The following CUBN variants were observed in gnomAD, a reference collection of about 807,000 sequenced individuals.
CUBN encodes 460 kDa receptor.
In CUBN, 282 loss-of-function variants were observed where a neutral mutation model predicts 405.3. The ratio of observed to expected loss-of-function variants is 0.70; its 90% CI spans 0.63 to 0.77. The LOEUF (loss-of-function observed/expected upper bound fraction) is 0.77, where lower values mean the gene tolerates loss of function less well. Among genes scored for constraint, CUBN ranks in the 30% least tolerant of loss-of-function variants. The pLI is 0.00. For synonymous variants in CUBN, 1,684 were observed against 1,617.0 expected, an observed-to-expected ratio of 1.04 and a Z score of -0.99; for missense variants, 4,514 against 4,475.2, an observed-to-expected ratio of 1.01 and a Z score of -0.25.
chr10:17,044,707 T>C (rs1478257082), intron 25 of CUBN, among the ~76,000 whole-genome samples: 1 of 152,196 alleles, frequency 6.6e-6, no homozygotes, highest in African/African-American at 2.4e-5. Context: ...GATTTTTCAA[T>C]GCATATGTGG....
intron 22 of CUBN, among the ~76,000 whole-genome samples, chr10:17,056,627 A>G (rs1475474093): frequency 6.6e-6 from 1 of 152,040 alleles, no homozygotes. Flanking sequence ...AACAACTTCT[A>G]GAAGGATGCA....
chr10:17,022,547 C>T (rs1261653661), intron 27 of CUBN, among the ~76,000 whole-genome samples: 1 of 152,046 alleles, frequency 6.6e-6, no homozygotes, highest in East Asian at 1.9e-4. Flanking sequence ...AAGAGGGAAA[C>T]GAAACGGAAC....
In CUBN at chr10:16,950,025, C is replaced by T. The variant is rs775638328; in HGVS notation, c.5056G>A (p.Gly1686Ser). 232 of 1,613,694 alleles carry T rather than the reference C, an allele frequency of 1.4e-4. No homozygotes were observed. Among genetic ancestry groups the T allele is most frequent in the Non-Finnish European group, 1.9e-4 (221 of 1,179,888 alleles). Residue 1686 changes from glycine to serine, a missense_variant, in exon 34 of 67, where the codon GGC becomes AGC. This residue lies in a region of CUBN where 1,613 missense variants were observed against 1,542.8 expected (regional missense o/e 1.05). Coordinates refer to ENST00000377833, the MANE Select transcript of CUBN (RefSeq NM_001081.4). ...ARDFVEILDG[G>S]HEDAPLRGRY... Reference sequence around the variant, plus strand: ...CCTCGGAGGGGCGCGTCTTCGTGGCCGCCATCCAAAATTTCTACAAAGTCA... The same window carrying T: ...CCTCGGAGGGGCGCGTCTTCGTGGCTGCCATCCAAAATTTCTACAAAGTCA...
In CUBN at chr10:16,928,153, T is replaced by A. The variant is rs1285762424; in HGVS notation, c.6271+4A>T. ...TGGGATTAAAAAATATTTGAACTCA[T>A]TACTCTTGTGAAAGGATGCATTGAA... is the stretch of plus-strand genomic sequence containing the variant. On this transcript the variant is annotated splice_donor_region_variant and intron_variant, in intron 41 of 66. Coordinates refer to ENST00000377833, the MANE Select transcript of CUBN (RefSeq NM_001081.4). 1 of 1,613,336 alleles carries A rather than the reference T, an allele frequency of 6.2e-7. No individual in the cohort carries two copies. Among genetic ancestry groups the A allele is most frequent in the East Asian group, 2.2e-5 (1 of 44,860 alleles).
At chr10:16,858,252 G>T (rs886431257) in intron 59 of CUBN, among the ~76,000 whole-genome samples, 5 of 152,156 alleles carry the variant, frequency 3.3e-5, no homozygotes, top group African/African-American at 1.2e-4. Flanking sequence ...TAGATTTAAT[G>T]CAATTCCTAT....
At chr10:16,867,415 GA>G (rs980122349) in intron 59 of CUBN, among the ~76,000 whole-genome samples, 3 of 152,122 alleles carry the variant, frequency 2.0e-5, no homozygotes, top group Admixed American at 6.5e-5. Context: ...AAACCAAAAT[GA>G]AACAAAATTT....
At chr10:17,108,995 A>T (rs965293741) in intron 10 of CUBN, among the ~76,000 whole-genome samples, 1 of 152,192 alleles carries the variant, frequency 6.6e-6, no homozygotes, top group African/African-American at 2.4e-5. Context: ...GGAAAAACTA[A>T]TTTTGCCTAT....
At position 17,053,345 on chromosome 10, in the gene CUBN, T is replaced by C. The variant is rs186740259; in HGVS notation, c.3140-5742A>G. 1.1e-3 allele frequency among the ~76,000 whole-genome samples: 165 copies of C among 152,042 alleles called. 1 individual carries two copies. Among genetic ancestry groups the C allele is most frequent in the African/African-American group, 3.7e-3 (154 of 41,538 alleles). ...TTATATATAATGATGCCATTATATA[T>C]AATGGTGAAACTAAGTTGTAACTAA... On this transcript the variant is annotated intron_variant, in intron 22 of 66. Transcript: ENST00000377833.
At chr10:16,942,440 A>G (rs1842676126) in intron 36 of CUBN, among the ~76,000 whole-genome samples, 1 of 152,200 alleles carries the variant, frequency 6.6e-6, no homozygotes, top group East Asian at 1.9e-4. Flanking sequence ...ACATTTCTCC[A>G]AAGAAGATTT....
chr10:16,842,958 T>C (rs1839398666), intron 60 of CUBN, among the ~76,000 whole-genome samples: 1 of 152,244 alleles, frequency 6.6e-6, no homozygotes, highest in Non-Finnish European at 1.5e-5. Context: ...GGCCCTCACC[T>C]GACATGTCAC....
chr10:16,841,022 G>C lies in CUBN; in HGVS notation c.9689C>G (p.Ala3230Gly). ...ACCACAAAACGTTCCAGCCAAGTTC[G>C]CATTTTCACTATCCCCATCATATAA... ...VKLYDGDSEN[A>G]NLAGTFCGST... Residue 3230 changes from alanine (A) to glycine (G), a missense_variant, in exon 61 of 67, where the codon GCG becomes GGG. Ala to Gly is a moderately conservative substitution (Grantham distance 60). This residue lies in a region of CUBN where 1,186 missense variants were observed against 1,186.9 expected (regional missense o/e 1.00). Transcript: ENST00000377833. 1.9e-6 allele frequency: 3 copies of C among 1,614,008 alleles called. No homozygotes were observed. Among genetic ancestry groups the C allele is most frequent in the Non-Finnish European group, 2.5e-6 (3 of 1,179,978 alleles).
intron 59 of CUBN, among the ~76,000 whole-genome samples, chr10:16,861,467 A>G (rs1399158022): frequency 6.6e-6 from 1 of 152,150 alleles, no homozygotes; most frequent in African/African-American, 2.4e-5. Flanking sequence ...TGGCCAATGA[A>G]TGCCTTCTTA....
At position 16,840,369 on chromosome 10, in the gene CUBN, G is replaced by C; in HGVS notation, c.9993C>G (p.Asp3331Glu). The C allele has an allele frequency of 6.2e-6, 10 of 1,614,146 alleles. No individual in the cohort carries two copies. The highest frequency in any genetic ancestry group is 8.5e-6 in the Non-Finnish European group (10 of 1,180,028). Residue 3331 changes from aspartate (D) to glutamate (E), a missense_variant, in exon 62 of 67, where the codon GAC becomes GAG. By Grantham distance (45) the Asp-to-Glu change is conservative. Around this residue, in one of 5 missense-constraint regions of CUBN, gnomAD observed 1,186 missense variants for 1,186.9 expected, o/e 1.00. Transcript: ENST00000377833. ...GAAGCTGTAAGTAATTCTGCGTGCA[G>C]TCTTGCGAGGTCAGCTGTAATGCCC... is the stretch of plus-strand genomic sequence containing the variant. ...TVWALQLTSQDCTQNYLQLQD... is the reference protein window; with the variant it reads ...TVWALQLTSQECTQNYLQLQD...
intron 13 of CUBN, among the ~76,000 whole-genome samples, chr10:17,100,854 T>C (rs1836478728): frequency 6.6e-6 from 1 of 152,014 alleles, no homozygotes; most frequent in Non-Finnish European, 1.5e-5. Context: ...GAGTAGAGAA[T>C]GAGAGGAAGA....
At chr10:16,973,806 G>A (rs965497453) in intron 31 of CUBN, among the ~76,000 whole-genome samples, 13 of 152,152 alleles carry the variant, frequency 8.5e-5, no homozygotes, top group African/African-American at 3.1e-4. Context: ...CCATGTTGCT[G>A]AAAAGGACAT....
intron 43 of CUBN, among the ~76,000 whole-genome samples, chr10:16,922,847 C>G (rs200664412): frequency 1.3e-4 from 18 of 140,140 alleles, no homozygotes; most frequent in Middle Eastern, 3.6e-3. Context: ...ATACCATGTT[C>G]TTTTTTTTTT....
intron 54 of CUBN, among the ~76,000 whole-genome samples, chr10:16,897,950 G>C (rs1352362359): frequency 6.6e-6 from 1 of 152,024 alleles, no homozygotes; most frequent in African/African-American, 2.4e-5. Context: ...TGGAGCACTT[G>C]AAAGTTTTAC....
intron 28 of CUBN, among the ~76,000 whole-genome samples, chr10:17,011,324 G>A (rs146325224): frequency 9.2e-5 from 14 of 152,278 alleles, no homozygotes; most frequent in African/African-American, 2.6e-4. Flanking sequence ...AGATGTGTCC[G>A]CAGTTTCGTC....
chr10:17,081,621 A>G (rs1041620299), intron 17 of CUBN, among the ~76,000 whole-genome samples: 1 of 152,216 alleles, frequency 6.6e-6, no homozygotes, highest in East Asian at 1.9e-4. Flanking sequence ...TATGACCACT[A>G]TCTGAAGAAC....
Sources: gnomAD v4.1 joint callset for allele counts (sites outside exome capture counted in the v4.1 genomes callset) on GRCh38, gnomAD v4.1.1 for gene constraint, gnomAD v4.1.1 regional missense constraint, MANE v1.5 for transcripts, NCBI Gene and HGNC (gene_info 2026-07-23, HGNC 2026-07-21) for gene names.